Variants in MAPK4 observed in about 807,000 individuals in gnomAD.
MAPK4 encodes the protein mitogen-activated protein kinase 4.
In MAPK4, 22 loss-of-function variants were observed where a neutral mutation model predicts 47.7. That is an observed-to-expected ratio of 0.46 (90% CI 0.33 to 0.66). MAPK4 has a LOEUF of 0.66. Among genes scored for constraint, MAPK4 ranks in the 30% least tolerant of loss-of-function variants. The pLI is 0.02. For synonymous variants in MAPK4, 390 were observed against 365.7 expected (o/e 1.07, Z -0.76); for missense variants, 736 against 831.7 (o/e 0.88, Z 1.42).
chr18:50,585,482 A>T (rs1208225145), intron 1 of MAPK4, among the ~76,000 whole-genome samples: 1 of 152,138 alleles, frequency 6.6e-6, no homozygotes, highest in African/African-American at 2.4e-5. Flanking sequence ...GGTAGGTAAT[A>T]TATCAACATG....
chr18:50,593,454 C>T, intron 1 of MAPK4, among the ~76,000 whole-genome samples: 1 of 152,242 alleles, frequency 6.6e-6, no homozygotes, highest in African/African-American at 2.4e-5. Flanking sequence ...AGCTTCCCTA[C>T]TTCCTAGCTG....
chr18:50,710,621 C>CA (rs546115047), intron 2 of MAPK4, among the ~76,000 whole-genome samples: 3,378 of 148,898 alleles, frequency 0.023, 116 homozygotes, highest in African/African-American at 0.078. Context: ...ACTAAAAATA[C>CA]AAAAAAAAAT....
upstream of MAPK4, chr18:50,559,966 C>T (rs538099220): frequency 4.4e-3 from 656 of 150,018 alleles, 5 homozygotes; most frequent in Non-Finnish European, 6.9e-3. Flanking sequence ...GCGCCCAGGG[C>T]CCGGCTCCCC....
intron 1 of MAPK4, among the ~76,000 whole-genome samples, chr18:50,618,675 T>C (rs1369330364): frequency 1.3e-5 from 2 of 152,198 alleles, no homozygotes; most frequent in East Asian, 1.9e-4. Flanking sequence ...TGTATGAAGG[T>C]AATGTTTATA....
chr18:50,575,330 G>T (rs1394930024), intron 1 of MAPK4, among the ~76,000 whole-genome samples: 1 of 152,108 alleles, frequency 6.6e-6, no homozygotes, highest in Non-Finnish European at 1.5e-5. Context: ...ATAAATTTCT[G>T]TTCTTTATAA....
Position 50,670,756 on chromosome 18 carries a change from C to CAAA in MAPK4, c.546+6269_546+6271dup, listed in dbSNP as rs34523525. ...TGGGCAACAGAGTGAGACTCCGTCT[C>CAAA]AAAAAAAAAAAAAAAAAAATCAACT... On this transcript the variant is annotated intron_variant, in intron 2 of 5. Coordinates refer to ENST00000400384, the MANE Select transcript of MAPK4 (RefSeq NM_002747.4). Among the ~76,000 whole-genome samples, 140 of 104,668 alleles carry CAAA rather than the reference C, an allele frequency of 1.3e-3. 1 individual carries two copies. Among genetic ancestry groups the CAAA allele is most frequent in the African/African-American group, 3.3e-3 (86 of 26,064 alleles). The allele number at this position is 104,668 out of a possible 152,430, so 68.7% of individuals were successfully genotyped here.
chr18:50,664,371 A>C lies in MAPK4; in HGVS notation c.413A>C (p.Lys138Thr). The C allele has an allele frequency of 6.2e-7, 1 of 1,614,018 alleles. No homozygotes were observed. Among genetic ancestry groups the C allele is most frequent in the Non-Finnish European group, 8.5e-7 (1 of 1,180,026 alleles). Residue 138 changes from lysine to threonine, a missense_variant, in exon 2 of 6, where the codon AAG (lysine) becomes ACG (threonine). Transcript: ENST00000400384. The surrounding 1 kb of genome is among the most constrained non-coding windows in gnomAD (Gnocchi z 6.0). The stretch of plus-strand genomic sequence containing the variant: ...ATGTACCAGCTGCTCCGCGGGCTCA[A>C]GTACATCCACTCCGCCAACGTGCTG... Reference protein sequence around the residue: ...LFMYQLLRGLKYIHSANVLHR... With the variant: ...LFMYQLLRGLTYIHSANVLHR...
At chr18:50,616,737 G>A (rs1239042637) in intron 1 of MAPK4, among the ~76,000 whole-genome samples, 6 of 152,216 alleles carry the variant, frequency 3.9e-5, no homozygotes, top group Non-Finnish European at 8.8e-5. Context: ...AGGGCAGGAA[G>A]CATCCAACAT....
intron 3 of MAPK4, among the ~76,000 whole-genome samples, chr18:50,716,933 C>G (rs187505913): frequency 6.6e-6 from 1 of 152,146 alleles, no homozygotes; most frequent in African/African-American, 2.4e-5. Context: ...AACAAAGCAG[C>G]CCTCCTCTGT....
intron 2 of MAPK4, among the ~76,000 whole-genome samples, chr18:50,706,469 T>C (rs1910062239): frequency 6.6e-6 from 1 of 151,748 alleles, no homozygotes; most frequent in Non-Finnish European, 1.5e-5. Context: ...TTTTTTTTTT[T>C]TTTAAGTTCC....
At chr18:50,657,588 A>T (rs946812225) in intron 1 of MAPK4, among the ~76,000 whole-genome samples, 5 of 152,068 alleles carry the variant, frequency 3.3e-5, no homozygotes, top group Non-Finnish European at 2.9e-5. Context: ...AAATGCCAAC[A>T]CCAACCCTGT....
chr18:50,727,826 G>A (rs1276266354), intron 5 of MAPK4, among the ~76,000 whole-genome samples: 3 of 152,206 alleles, frequency 2.0e-5, no homozygotes, highest in Non-Finnish European at 4.4e-5. Context: ...TGGAATGCTA[G>A]TTTCCCAACT....
chr18:50,652,451 AG>A (rs1479136961), intron 1 of MAPK4, among the ~76,000 whole-genome samples: 2 of 152,164 alleles, frequency 1.3e-5, no homozygotes, highest in African/African-American at 4.8e-5. Context: ...GCTGGGTGGA[AG>A]GAAGTCAAGA....
chr18:50,601,489 T>A (rs981583362), intron 1 of MAPK4, among the ~76,000 whole-genome samples: 2 of 152,236 alleles, frequency 1.3e-5, no homozygotes, highest in Non-Finnish European at 2.9e-5. Context: ...AGTTATTTTG[T>A]CTCAATTCCT....
intron 1 of MAPK4, among the ~76,000 whole-genome samples, chr18:50,579,209 G>C (rs1170193659): frequency 2.0e-5 from 3 of 152,148 alleles, no homozygotes; most frequent in Non-Finnish European, 4.4e-5. Flanking sequence ...GCACGTGCAG[G>C]AGACACAAGA....
intron 1 of MAPK4, among the ~76,000 whole-genome samples, chr18:50,628,464 G>T (rs1259922763): frequency 6.6e-6 from 1 of 152,178 alleles, no homozygotes; most frequent in East Asian, 1.9e-4. Flanking sequence ...GGCCTTTTGG[G>T]GGCCCGTTAA....
At chr18:50,687,941 G>T (rs1908976937) in intron 2 of MAPK4, among the ~76,000 whole-genome samples, 3 of 152,156 alleles carry the variant, frequency 2.0e-5, no homozygotes, top group African/African-American at 7.2e-5. Context: ...TTAACCTTTA[G>T]CGAGATCAGG....
intron 2 of MAPK4, among the ~76,000 whole-genome samples, chr18:50,676,616 A>C (rs548168699): frequency 2.0e-4 from 30 of 152,350 alleles, no homozygotes; most frequent in Admixed American, 1.2e-3. Context: ...TCCTAGATAC[A>C]TGGAGCACAG....
chr18:50,589,059 T>C (rs1405633065), intron 1 of MAPK4, among the ~76,000 whole-genome samples: 1 of 152,192 alleles, frequency 6.6e-6, no homozygotes, highest in Non-Finnish European at 1.5e-5. Flanking sequence ...TGATGGATTT[T>C]TTAAAATTCA....
Sources: allele counts gnomAD v4.1 joint callset (sites outside exome capture counted in the v4.1 genomes callset), GRCh38; gene constraint gnomAD v4.1.1; non-coding constraint Gnocchi (gnomAD v3.1); transcripts MANE v1.5; gene names NCBI Gene and HGNC (gene_info 2026-07-23, HGNC 2026-07-21).